ATP10B: variants seen among roughly 807,000 people sequenced by gnomAD.
The protein encoded by ATP10B is phospholipid-transporting ATPase VB.
Under a neutral mutation model 141.2 loss-of-function variants are expected in ATP10B, and 122 were observed. The ratio of observed to expected loss-of-function variants is 0.86; its 90% CI spans 0.75 to 1.00. The LOEUF (loss-of-function observed/expected upper bound fraction) is 1.00. Ranked by LOEUF, ATP10B falls within the 50% of genes least tolerant of loss-of-function variation. ATP10B has a pLI of 0.00. For synonymous variants in ATP10B, 685 were observed against 692.0 expected (o/e 0.99, Z 0.16); for missense variants, 1,876 against 1,825.3 (o/e 1.03, Z -0.51).
intron 1 of ATP10B, among the ~76,000 whole-genome samples, chr5:160,841,254 C>T (rs965639043): frequency 2.6e-5 from 4 of 151,674 alleles, no homozygotes; most frequent in East Asian, 1.9e-4. Context: ...AAGATCTCTA[C>T]GAACTGATGT....
At chr5:160,878,314 A>G in the ATP10B span, among the ~76,000 whole-genome samples, 2 of 151,924 alleles carry the variant, frequency 1.3e-5, no homozygotes, top group Non-Finnish European at 2.9e-5. Context: ...TGGTGCTGGG[A>G]AAACTGGCTA....
chr5:160,831,699 T>C (rs1422270199), intron 1 of ATP10B, among the ~76,000 whole-genome samples: 1 of 152,064 alleles, frequency 6.6e-6, no homozygotes, highest in African/African-American at 2.4e-5. Context: ...AAAAGACAAT[T>C]CATTGTGAAA....
chr5:160,634,488 C>T lies in ATP10B; in HGVS notation c.1247G>A (p.Arg416Gln), dbSNP rs202189871. The change falls in exon 12 of 26, where the codon CGA becomes CAA. Residue 416 changes from arginine to glutamine, a missense_variant. Arg to Gln is a conservative substitution (Grantham distance 43). Coordinates refer to ENST00000327245, the MANE Select transcript of ATP10B (RefSeq NM_025153.3). ...CAAGTCCTCTGCGATGTTGAGGGCT[C>T]GACATTGAATGGATAAATCGGTCTC... Reference protein sequence around the residue: ...DEETDLSIQCRALNIAEDLGQ... With the variant: ...DEETDLSIQCQALNIAEDLGQ... 215 of 1,614,080 alleles carry T rather than the reference C, an allele frequency of 1.3e-4. 1 individual carries two copies. The highest frequency in any genetic ancestry group is 1.7e-4 in the Non-Finnish European group (201 of 1,180,018).
intron 2 of ATP10B, among the ~76,000 whole-genome samples, chr5:160,753,755 A>G (rs572655501): frequency 6.6e-6 from 1 of 152,284 alleles, no homozygotes; most frequent in African/African-American, 2.4e-5. Context: ...TACTGTTGTA[A>G]ATGTTTTACA....
intron 6 of ATP10B, chr5:160,685,068 C>T: frequency 1.4e-6 from 1 of 703,604 alleles, no homozygotes; most frequent in South Asian, 1.5e-5. Flanking sequence ...GGACGAAGGA[C>T]AACACGGTGT....
intron 3 of ATP10B, among the ~76,000 whole-genome samples, chr5:160,714,943 G>A (rs1165412826): frequency 1.5e-5 from 2 of 133,038 alleles, no homozygotes; most frequent in African/African-American, 5.8e-5. Context: ...CAGGGGTCAG[G>A]GACCCACTTG....
At chr5:160,692,780 GT>G (rs1328657048) in intron 3 of ATP10B, 1 of 152,184 alleles carries the variant, frequency 6.6e-6, no homozygotes, top group African/African-American at 2.4e-5. Flanking sequence ...ACTTCTGCCT[GT>G]TCTAAAACTC....
chr5:160,902,097 G>C, the ATP10B span, among the ~76,000 whole-genome samples: 1 of 152,114 alleles, frequency 6.6e-6, no homozygotes, highest in Admixed American at 6.5e-5. Flanking sequence ...TATACAAAAA[G>C]AGTTTAATCA....
chr5:160,929,192 C>T, the ATP10B span, among the ~76,000 whole-genome samples: 1 of 152,176 alleles, frequency 6.6e-6, no homozygotes, highest in Admixed American at 6.5e-5. Context: ...AAAATCACCC[C>T]CAAGCCTTAG....
intron 9 of ATP10B, among the ~76,000 whole-genome samples, chr5:160,641,285 C>T (rs953124846): frequency 7.2e-5 from 11 of 152,142 alleles, no homozygotes; most frequent in African/African-American, 2.7e-4. Context: ...AGGACAGTGC[C>T]TGGGACCAGC....
At chr5:160,800,583 A>C (rs1320013922) in intron 1 of ATP10B, among the ~76,000 whole-genome samples, 1 of 152,238 alleles carries the variant, frequency 6.6e-6, no homozygotes, top group Non-Finnish European at 1.5e-5. Context: ...TACAAAGTGC[A>C]TGCTGAATAA....
At chr5:160,570,203 A>T (rs997113425) in intron 24 of ATP10B, among the ~76,000 whole-genome samples, 1 of 151,924 alleles carries the variant, frequency 6.6e-6, no homozygotes, top group Non-Finnish European at 1.5e-5. Flanking sequence ...TTGATACTAG[A>T]TGTATATATT....
intron 3 of ATP10B, among the ~76,000 whole-genome samples, chr5:160,716,432 T>G (rs1044559857): frequency 6.6e-6 from 1 of 152,116 alleles, no homozygotes; most frequent in African/African-American, 2.4e-5. Flanking sequence ...AGCAGGGAAG[T>G]TTAAGTATTT....
the ATP10B span, among the ~76,000 whole-genome samples, chr5:160,923,233 G>A: frequency 7.9e-5 from 12 of 152,186 alleles, no homozygotes; most frequent in East Asian, 1.9e-4. Flanking sequence ...CTGTGCACAC[G>A]AGAAACACTT....
chr5:160,569,520 G>A lies in ATP10B; in HGVS notation c.3914C>T (p.Thr1305Ile), dbSNP rs753665596. 6 of 1,613,786 alleles carry A rather than the reference G, an allele frequency of 3.7e-6. No homozygotes were observed. The African/African-American group carries it at 6.7e-5, about 18-fold the overall frequency. Reference protein sequence around the residue: ...NPTFYLVCFLTPVVALLPRYF... With the variant: ...NPTFYLVCFLIPVVALLPRYF... Reference sequence around the variant, plus strand: ...CCTTGGGAGAAGAGCAACAACTGGTGTGAGAAAGCAGACGAGGTAGAAAGT... The same window carrying A: ...CCTTGGGAGAAGAGCAACAACTGGTATGAGAAAGCAGACGAGGTAGAAAGT... Residue 1305 changes from threonine (T) to isoleucine (I), a missense_variant, in exon 25 of 26, where the codon ACA (threonine) becomes ATA (isoleucine). Coordinates refer to ENST00000327245, the MANE Select transcript of ATP10B (RefSeq NM_025153.3).
chr5:160,808,333 G>A (rs374411320), intron 1 of ATP10B, among the ~76,000 whole-genome samples: 196 of 152,326 alleles, frequency 1.3e-3, no homozygotes, highest in African/African-American at 4.5e-3. Context: ...AATGGTGATT[G>A]TAGCATATTC....
chr5:160,826,282 C>CA, intron 1 of ATP10B, among the ~76,000 whole-genome samples: 1 of 152,252 alleles, frequency 6.6e-6, no homozygotes, highest in East Asian at 1.9e-4. Context: ...CAGCAGTGTA[C>CA]AAGCATTCCC....
rs145520227 is a variant in ATP10B, at chr5:160,841,595, AAAAT to A, written c.-576+10342_-576+10345del. ...ATGGGAAGGAGAAAAATAAAACTGA[AAAAT>A]AAACTCAGCTATATTTCAAATAAAT... On this transcript the variant is annotated intron_variant, in intron 1 of 25. Coordinates refer to ENST00000327245, the MANE Select transcript of ATP10B (RefSeq NM_025153.3). Among the ~76,000 whole-genome samples, 223 of 152,306 alleles carry A rather than the reference AAAAT, an allele frequency of 1.5e-3. 1 individual carries two copies. The highest frequency in any genetic ancestry group is 5.1e-3 in the African/African-American group (214 of 41,572).
chr5:160,873,838 A>G, the ATP10B span, among the ~76,000 whole-genome samples: 2 of 152,248 alleles, frequency 1.3e-5, no homozygotes, highest in Admixed American at 1.3e-4. Flanking sequence ...TGCTTAAAAA[A>G]TGGTGCACCA....
Sources: gnomAD v4.1 joint callset for allele counts (sites outside exome capture counted in the v4.1 genomes callset) on GRCh38, gnomAD v4.1.1 for gene constraint, MANE v1.5 for transcripts, NCBI Gene and HGNC (gene_info 2026-07-23, HGNC 2026-07-21) for gene names.